MYO15A: variants seen among roughly 807,000 people sequenced by gnomAD.
MYO15A encodes unconventional myosin-XV.
Under a neutral mutation model 394.6 loss-of-function variants are expected in MYO15A, and 308 were observed. The observed-to-expected ratio is 0.78, with a 90% CI of 0.71 to 0.86. The LOEUF is 0.86. Ranked by LOEUF, MYO15A falls within the 40% of genes least tolerant of loss-of-function variation. MYO15A has a pLI of 0.00. For synonymous variants in MYO15A, 1,957 were observed against 2,003.8 expected, an observed-to-expected ratio of 0.98 and a Z score of 0.62; for missense variants, 4,606 against 4,799.1, an observed-to-expected ratio of 0.96 and a Z score of 1.19.
chr17:18,144,587 A>C lies in MYO15A; in HGVS notation c.6268A>C (p.Lys2090Gln). 1 of 1,612,090 alleles carries C rather than the reference A, an allele frequency of 6.2e-7. No homozygotes were observed. The highest frequency in any genetic ancestry group is 8.5e-7 in the Non-Finnish European group (1 of 1,179,952). Residue 2090 changes from lysine (K) to glutamine (Q), a missense_variant, in exon 29 of 66, where the codon AAG becomes CAG. Coordinates refer to ENST00000647165, the MANE Select transcript of MYO15A (RefSeq NM_016239.4). ...EHHAEAVSIF[K>Q]LILRFMGDPH... ...CCATGCAGAAGCCGTGAGCATCTTC[A>C]AGCTGGTATGGGGTCTGCCCCAGCC... is the stretch of plus-strand genomic sequence containing the variant.
At chr17:18,172,702 T>C in intron 64 of MYO15A, 1 of 347,260 alleles carries the variant, frequency 2.9e-6, no homozygotes, top group South Asian at 2.3e-5. Flanking sequence ...CCTCACTGTG[T>C]CCTCACATGG....
Position 18,127,253 on chromosome 17 carries a change from G to A in MYO15A, c.4032+88G>A, listed in dbSNP as rs899529410. On this transcript the variant is annotated intron_variant, in intron 7 of 65. Coordinates refer to ENST00000647165, the MANE Select transcript of MYO15A (RefSeq NM_016239.4). The stretch of plus-strand genomic sequence containing the variant: ...ACTCCCGAAGAGGCAAGGCTCCTTG[G>A]CCCACCAGGAAGATGAGGAGGCTGA... 4.7e-6 allele frequency: 7 copies of A among 1,481,412 alleles called. No homozygotes were observed. In the Admixed American group the frequency reaches 9.4e-5, roughly 20 times the overall value. The allele number at this position is 1,481,412 out of a possible 1,614,324, so 91.8% of individuals were successfully genotyped here.
At chr17:18,173,062 A>G (rs909064759) in intron 64 of MYO15A, among the ~76,000 whole-genome samples, 5 of 152,198 alleles carry the variant, frequency 3.3e-5, no homozygotes, top group African/African-American at 7.2e-5. Flanking sequence ...GGATGGAGCC[A>G]GTAGAGGGGG....
chr17:18,147,975 C>G lies in MYO15A; in HGVS notation c.6510-54C>G. 1 of 1,610,000 alleles carries G rather than the reference C, an allele frequency of 6.2e-7. No homozygotes were observed. Among genetic ancestry groups the G allele is most frequent in the Non-Finnish European group, 8.5e-7 (1 of 1,176,792 alleles). ...CCTACCCCCACCCCGCAGCCCTCAG[C>G]CCCAAGCTAGCTTCAGATCCTTCTT... On this transcript the variant is annotated intron_variant, in intron 30 of 65. Coordinates refer to ENST00000647165, the MANE Select transcript of MYO15A (RefSeq NM_016239.4). The surrounding 1 kb of genome is among the most constrained non-coding windows in gnomAD (Gnocchi z 4.4).
chr17:18,124,603 C>T, intron 3 of MYO15A, 38 bp downstream of exon 3: 1 of 1,600,640 alleles, frequency 6.2e-7, no homozygotes, highest in Admixed American at 1.7e-5. Flanking sequence ...CAAGGGGTCA[C>T]CATGGGGTCC....
At chr17:18,116,906 C>T (rs2045794904) in intron 1 of MYO15A, among the ~76,000 whole-genome samples, 1 of 145,024 alleles carries the variant, frequency 6.9e-6, no homozygotes, top group Non-Finnish European at 1.5e-5. Context: ...GGCAACAGAG[C>T]GAGACTCTGT....
At chr17:18,136,056 T>C (rs1034110551) in intron 13 of MYO15A, among the ~76,000 whole-genome samples, 1 of 152,186 alleles carries the variant, frequency 6.6e-6, no homozygotes, top group African/African-American at 2.4e-5. Flanking sequence ...TCACACCTAC[T>C]CATCCTTTAA....
Position 18,145,980 on chromosome 17 carries a change from C to T in MYO15A, c.6382C>T (p.Leu2128=). 1 of 1,613,858 alleles carries T rather than the reference C, an allele frequency of 6.2e-7. No individual in the cohort carries two copies. Among genetic ancestry groups the T allele is most frequent in the Non-Finnish European group, 8.5e-7 (1 of 1,180,024 alleles). ...GGTGCCTGAGCTGCGGGATGAGATC[C>T]TGGCACAGCTGGCCAATCAGGTGTG... ...LAVPELRDEI[L]AQLANQVWHN... The change falls in exon 30 of 66, where the codon CTG becomes TTG. Residue 2128 remains leucine, a synonymous_variant. Transcript: ENST00000647165.
Position 18,161,391 on chromosome 17 carries a change from C to T in MYO15A, c.9461C>T (p.Pro3154Leu). The change falls in exon 57 of 66, where the codon CCA (proline) becomes CTA (leucine). Residue 3154 changes from proline to leucine, a missense_variant. Coordinates refer to ENST00000647165, the MANE Select transcript of MYO15A (RefSeq NM_016239.4). ...AYHSCSEVLH[P>L]HLTRFLQDVS... ...CACAGCTGCTCTGAGGTCCTCCACC[C>T]ACACCTCACTCGCTTCCTCCAAGAC... 1 of 1,614,092 alleles carries T rather than the reference C, an allele frequency of 6.2e-7. No homozygotes were observed. Among genetic ancestry groups the T allele is most frequent in the Non-Finnish European group, 8.5e-7 (1 of 1,180,030 alleles).
intron 7 of MYO15A, among the ~76,000 whole-genome samples, chr17:18,129,622 C>T (rs749166199): frequency 6.6e-6 from 1 of 152,202 alleles, no homozygotes; most frequent in Non-Finnish European, 1.5e-5. Context: ...GAAAGTGCCA[C>T]GTACACACTA....
intron 7 of MYO15A, among the ~76,000 whole-genome samples, chr17:18,127,829 A>C (rs917934624): frequency 1.2e-5 from 1 of 84,196 alleles, no homozygotes; most frequent in African/African-American, 4.4e-5. Context: ...GGGAAGAAAA[A>C]AAAAGATATA....
intron 61 of MYO15A, 36 bp from the exon 62 acceptor site, chr17:18,167,554 C>T: frequency 1.9e-6 from 3 of 1,599,936 alleles, no homozygotes; most frequent in Non-Finnish European, 2.5e-6. Flanking sequence ...GCACGCGTGC[C>T]TGCCTGGCAG....
chr17:18,140,438 T>C, intron 19 of MYO15A, 79 bp from the exon 20 acceptor site: 2 of 1,592,980 alleles, frequency 1.3e-6, no homozygotes, highest in East Asian at 4.5e-5. Flanking sequence ...TCCGGAGATT[T>C]ACTCCTGCTC....
chr17:18,161,169 C>T (rs1332975645), intron 56 of MYO15A, 148 bp from the exon 57 acceptor site: 1 of 1,224,264 alleles, frequency 8.2e-7, no homozygotes, highest in Non-Finnish European at 1.2e-6. Flanking sequence ...CAGAATATGC[C>T]TTTTGCATAT....
intron 1 of MYO15A, among the ~76,000 whole-genome samples, chr17:18,113,797 GACACACACACACACACACACACAC>G (rs4025536): frequency 1.4e-5 from 2 of 138,860 alleles, no homozygotes; most frequent in African/African-American, 5.7e-5. Flanking sequence ...CACCTCCCCT[GACACACACACACACACACACACAC>G]ACACACACAC....
chr17:18,114,241 CTTTTTTTTTTTTTT>C lies in MYO15A; in HGVS notation c.-219-4328_-219-4315del, dbSNP rs10583154. ...CACCTTGTGACCACCACAGTCCTGT[CTTTTTTTTTTTTTT>C]TTTTTTTTTTTTGAGACGGAGTTTT... On this transcript the variant is annotated intron_variant, in intron 1 of 65. Transcript: ENST00000647165. Among the ~76,000 whole-genome samples, 4 of 55,562 alleles carry C rather than the reference CTTTTTTTTTTTTTT, an allele frequency of 7.2e-5. No homozygotes were observed. The East Asian group carries it at 1.6e-3, about 22-fold the overall frequency. 36.5% of individuals were successfully genotyped at this position (55,562 alleles called of 152,430 possible).
intron 1 of MYO15A, among the ~76,000 whole-genome samples, chr17:18,114,386 C>A (rs1455555505): frequency 6.6e-6 from 1 of 151,430 alleles, no homozygotes. Flanking sequence ...TGAGTAGCTG[C>A]AATTACAGGC....
At position 18,120,362 on chromosome 17, in the gene MYO15A, C is replaced by T. The variant is rs867630446; in HGVS notation, c.1562C>T (p.Pro521Leu). 103 of 1,611,944 alleles carry T rather than the reference C, an allele frequency of 6.4e-5. No individual in the cohort carries two copies. The African/African-American group carries it at 1.0e-3, about 16-fold the overall frequency. Reference sequence around the variant, plus strand: ...GAAGAGGACGAGGAGGAGCTGCCCCCGGTTTCCGCTGTGCCCTACGGCCAC... The same window carrying T: ...GAAGAGGACGAGGAGGAGCTGCCCCTGGTTTCCGCTGTGCCCTACGGCCAC... ...DEEEDEEELP[P>L]VSAVPYGHPF... The change falls in exon 2 of 66, where the codon CCG becomes CTG. Residue 521 changes from proline to leucine, a missense_variant. Physicochemically the swap from Pro to Leu is moderately conservative, Grantham distance 98. Around this residue, in one of 2 missense-constraint regions of MYO15A, gnomAD observed 1,830 missense variants for 1,689.7 expected, o/e 1.08. Coordinates refer to ENST00000647165, the MANE Select transcript of MYO15A (RefSeq NM_016239.4).
At position 18,121,529 on chromosome 17, in the gene MYO15A, C is replaced by A. The variant is rs753730679; in HGVS notation, c.2729C>A (p.Pro910Gln). The change falls in exon 2 of 66, where the codon CCG becomes CAG. Residue 910 changes from proline to glutamine, a missense_variant. This residue lies in a region of MYO15A where 1,830 missense variants were observed against 1,689.7 expected (regional missense o/e 1.08). Coordinates refer to ENST00000647165, the MANE Select transcript of MYO15A (RefSeq NM_016239.4). The surrounding 1 kb of genome is among the most constrained non-coding windows in gnomAD (Gnocchi z 5.3). ...GCGCCCCTGGAACACCGGGAGAGCC[C>A]GCGAGAACCCGAGGACTCAGAGACG... ...WRAPLEHRES[P>Q]REPEDSETPW... 1.3e-6 allele frequency: 2 copies of A among 1,565,032 alleles called. No homozygotes were observed. Among genetic ancestry groups the A allele is most frequent in the African/African-American group, 1.4e-5 (1 of 73,764 alleles).
Sources: gnomAD v4.1 joint callset for allele counts (sites outside exome capture counted in the v4.1 genomes callset) on GRCh38, gnomAD v4.1.1 for gene constraint, gnomAD v4.1.1 regional missense constraint, Gnocchi (gnomAD v3.1) non-coding constraint, MANE v1.5 for transcripts, NCBI Gene and HGNC (gene_info 2026-07-23, HGNC 2026-07-21) for gene names.